The following RASGEF1B variants were observed in gnomAD, a reference collection of about 807,000 sequenced individuals.
RASGEF1B encodes RasGEF domain family member 1B, also known as ras-GEF domain-containing family member 1B.
In RASGEF1B, 30 loss-of-function variants were observed where a neutral mutation model predicts 65.7. That is an observed-to-expected ratio of 0.46 (90% CI 0.34 to 0.62). RASGEF1B has a LOEUF of 0.62. Among genes scored for constraint, RASGEF1B ranks in the 20% least tolerant of loss-of-function variants. RASGEF1B has a pLI of 0.01. For missense variants in RASGEF1B, 495 were observed against 580.1 expected, an observed-to-expected ratio of 0.85 and a Z score of 1.51; for synonymous variants, 175 against 194.8, an observed-to-expected ratio of 0.90 and a Z score of 0.85.
chr4:81,447,422 A>C (rs2109980687), intron 6 of RASGEF1B, 82 bp downstream of exon 6: 7 of 1,028,904 alleles, frequency 6.8e-6, no homozygotes, highest in Non-Finnish European at 1.0e-5. Flanking sequence ...TATAGTTCTA[A>C]CTTCCGTCCT....
intron 8 of RASGEF1B, among the ~76,000 whole-genome samples, chr4:81,443,794 G>C (rs969127794): frequency 6.6e-6 from 1 of 152,186 alleles, no homozygotes; most frequent in African/African-American, 2.4e-5. Context: ...ATGTAGGTGT[G>C]TGCAATCTCT....
At chr4:81,463,635 C>T (rs58844724) in intron 1 of RASGEF1B, among the ~76,000 whole-genome samples, 1,579 of 152,144 alleles carry the variant, frequency 0.01, 37 homozygotes, top group African/African-American at 0.036. Context: ...GTAATAGAAG[C>T]GTTTTATAAT....
chr4:81,456,787 T>G lies in RASGEF1B; in HGVS notation c.302A>C (p.Asn101Thr). 1 of 1,604,626 alleles carries G rather than the reference T, an allele frequency of 6.2e-7. No individual in the cohort carries two copies. Among genetic ancestry groups the G allele is most frequent in the Non-Finnish European group, 8.5e-7 (1 of 1,175,588 alleles). ...TTTGGGTGCAATTTTTCTCATCTGG[T>G]TCTAGGGAGAAATAGCAAATCTAAT... ...QRLSDPDSDK[N>T]QMRKIAPKIL... Residue 101 changes from asparagine (N) to threonine (T), a missense_variant and splice_region_variant, in exon 4 of 14, where the codon AAC (asparagine) becomes ACC (threonine). Transcript: ENST00000264400.
At chr4:81,454,742 C>T (rs907846583) in intron 4 of RASGEF1B, 2 of 152,062 alleles carry the variant, frequency 1.3e-5, no homozygotes, top group African/African-American at 4.8e-5. Context: ...TCATTCGGCC[C>T]GGCAGAAATA....
In RASGEF1B at chr4:81,427,760, C is replaced by G. The variant is rs764867137; in HGVS notation, c.*8G>C. On this transcript the variant is annotated 3_prime_UTR_variant, in exon 14 of 14. Coordinates refer to ENST00000264400, the MANE Select transcript of RASGEF1B (RefSeq NM_152545.3). Reference sequence around the variant, plus strand: ...CAGCAGCAGCAGCAGGCAGGCAGCTCCCATGTGTTAAACTCTGCCTAAGAG... The same window carrying G: ...CAGCAGCAGCAGCAGGCAGGCAGCTGCCATGTGTTAAACTCTGCCTAAGAG... The G allele has an allele frequency of 1.2e-6, 2 of 1,613,704 alleles. No homozygotes were observed. The highest frequency in any genetic ancestry group is 1.3e-5 in the African/African-American group (1 of 74,896).
At chr4:81,462,723 C>G (rs1386593236) in intron 1 of RASGEF1B, among the ~76,000 whole-genome samples, 1 of 152,202 alleles carries the variant, frequency 6.6e-6, no homozygotes, top group Non-Finnish European at 1.5e-5. Flanking sequence ...ATATTGTGTG[C>G]TGGAAAATGT....
chr4:81,454,738 G>A (rs1318607174), intron 4 of RASGEF1B: 1 of 152,072 alleles, frequency 6.6e-6, no homozygotes, highest in Non-Finnish European at 1.5e-5. Flanking sequence ...TGACTCATTC[G>A]GCCCGGCAGA....
At chr4:81,466,983 C>T (rs1028450396) in intron 1 of RASGEF1B, among the ~76,000 whole-genome samples, 15 of 143,738 alleles carry the variant, frequency 1.0e-4, no homozygotes, top group African/African-American at 3.6e-4. Context: ...ATTGAGAGGG[C>T]AAACAACACA....
chr4:81,448,140 T>C lies in RASGEF1B; in HGVS notation c.583A>G (p.Ile195Val). 1 of 1,614,176 alleles carries C rather than the reference T, an allele frequency of 6.2e-7. No individual in the cohort carries two copies. Among genetic ancestry groups the C allele is most frequent in the Non-Finnish European group, 8.5e-7 (1 of 1,180,022 alleles). Reference sequence around the variant, plus strand: ...CAGACAGTAATGATATCCCTTTGTATAGACTGTGGCTTGGTCTTGAGAACT... The same window carrying C: ...CAGACAGTAATGATATCCCTTTGTACAGACTGTGGCTTGGTCTTGAGAACT... ...LTVLKTKPQSIQRDIITVCND... is the reference protein window; with the variant it reads ...LTVLKTKPQSVQRDIITVCND... Residue 195 changes from isoleucine (I) to valine (V), a missense_variant, in exon 5 of 14, where the codon ATA (isoleucine) becomes GTA (valine). By Grantham distance (29) the Ile-to-Val change is conservative (BLOSUM62 3). Transcript: ENST00000264400.
intron 12 of RASGEF1B, among the ~76,000 whole-genome samples, chr4:81,433,102 G>A (rs1316395411): frequency 6.6e-6 from 1 of 151,376 alleles, no homozygotes; most frequent in Non-Finnish European, 1.5e-5. Context: ...GGTGGTGCAC[G>A]CCCGTACTCC....
chr4:81,459,387 C>T lies in RASGEF1B; in HGVS notation c.122G>A (p.Gly41Glu). The change falls in exon 2 of 14, where the codon GGA becomes GAA. Residue 41 changes from glycine (G) to glutamate (E), a missense_variant. By Grantham distance (98) the Gly-to-Glu change is moderately conservative. Coordinates refer to ENST00000264400, the MANE Select transcript of RASGEF1B (RefSeq NM_152545.3). ...GTGCTGGATGAGTGCTTCCAGGGAT[C>T]CAGAGAGGAGGTTGTTGTCATGGTA... is the stretch of plus-strand genomic sequence containing the variant. ...LYYHDNNLLS[G>E]SLEALIQHLV... The T allele has an allele frequency of 6.2e-7, 1 of 1,613,412 alleles. No individual in the cohort carries two copies. Among genetic ancestry groups the T allele is most frequent in the Non-Finnish European group, 8.5e-7 (1 of 1,179,806 alleles).
chr4:81,442,397 G>A, intron 8 of RASGEF1B, 21 bp from the exon 9 acceptor site: 1 of 1,521,602 alleles, frequency 6.6e-7, no homozygotes, highest in Non-Finnish European at 9.1e-7. Flanking sequence ...GAAATGGAGG[G>A]GGAGAAAAAA....
chr4:81,445,055 C>G (rs1251502901), intron 8 of RASGEF1B, among the ~76,000 whole-genome samples: 1 of 152,166 alleles, frequency 6.6e-6, no homozygotes, highest in Non-Finnish European at 1.5e-5. Flanking sequence ...GATGTTAAAA[C>G]CTCCATGATA....
chr4:81,438,125 G>A (rs1332845223), intron 10 of RASGEF1B, among the ~76,000 whole-genome samples: 2 of 152,142 alleles, frequency 1.3e-5, no homozygotes, highest in Admixed American at 6.5e-5. Context: ...CACAGGAGCA[G>A]AATTGGAATG....
chr4:81,456,197 C>T, intron 4 of RASGEF1B: 1 of 377,096 alleles, frequency 2.7e-6, no homozygotes, highest in South Asian at 4.3e-5. Context: ...TTTCTTTCTG[C>T]CATGGCCCAG....
At chr4:81,448,771 C>T (rs902358375) in intron 4 of RASGEF1B, among the ~76,000 whole-genome samples, 1 of 152,066 alleles carries the variant, frequency 6.6e-6, no homozygotes, top group Non-Finnish European at 1.5e-5. Context: ...AGAAATATAC[C>T]ATTGCTTCCA....
intron 3 of RASGEF1B, 114 bp downstream of exon 3, chr4:81,457,385 C>T (rs1421553283): frequency 3.2e-6 from 3 of 934,996 alleles, no homozygotes; most frequent in Non-Finnish European, 4.9e-6. Flanking sequence ...AGCCATGATG[C>T]CATTTATGCA....
intron 10 of RASGEF1B, among the ~76,000 whole-genome samples, chr4:81,435,500 G>A (rs1156965957): frequency 6.7e-5 from 7 of 104,842 alleles, no homozygotes; most frequent in Admixed American, 1.4e-4. Context: ...ATGGAGTCTC[G>A]CTCTGTCACC....
intron 10 of RASGEF1B, among the ~76,000 whole-genome samples, chr4:81,435,262 T>C (rs1280882011): frequency 1.3e-5 from 2 of 150,948 alleles, no homozygotes; most frequent in African/African-American, 4.9e-5. Flanking sequence ...ATACAAAAAA[T>C]TAGCCAGGTG....
Sources: allele counts gnomAD v4.1 joint callset (sites outside exome capture counted in the v4.1 genomes callset), GRCh38; gene constraint gnomAD v4.1.1; transcripts MANE v1.5; gene names NCBI Gene and HGNC (gene_info 2026-07-23, HGNC 2026-07-21).